The following KLHL32 variants were observed in gnomAD, a reference collection of about 807,000 sequenced individuals.
The protein encoded by KLHL32 is kelch like family member 32, also known as kelch-like protein 32.
In KLHL32, 35 loss-of-function variants were observed where a neutral mutation model predicts 64.8. The observed-to-expected ratio is 0.54, with a 90% CI of 0.41 to 0.72. KLHL32 has a LOEUF of 0.72. Among genes scored for constraint, KLHL32 ranks in the 30% least tolerant of loss-of-function variants. KLHL32 has a pLI of 0.00. For synonymous variants in KLHL32, 259 were observed against 281.0 expected (o/e 0.92, Z 0.78); for missense variants, 589 against 768.5 (o/e 0.77, Z 2.76).
intron 1 of KLHL32, among the ~76,000 whole-genome samples, chr6:96,944,162 T>C (rs548425930): frequency 1.3e-4 from 20 of 152,322 alleles, no homozygotes; most frequent in African/African-American, 4.6e-4. Flanking sequence ...ATTAAGACGG[T>C]AATTACTGAT....
At chr6:97,020,094 C>G (rs900553768) in intron 3 of KLHL32, among the ~76,000 whole-genome samples, 67 of 152,106 alleles carry the variant, frequency 4.4e-4, no homozygotes, top group African/African-American at 1.6e-3. Context: ...AGGTGCCAGC[C>G]ACCGTGCCAG....
intron 7 of KLHL32, among the ~76,000 whole-genome samples, chr6:97,123,369 G>A (rs556940452): frequency 6.6e-6 from 1 of 152,276 alleles, no homozygotes. Context: ...GAGTTGTACA[G>A]GGAAGCTTAA....
intron 5 of KLHL32, among the ~76,000 whole-genome samples, chr6:97,082,404 G>A (rs1207801298): frequency 6.6e-6 from 1 of 152,090 alleles, no homozygotes; most frequent in Non-Finnish European, 1.5e-5. Context: ...ATGAGGTGAG[G>A]AAATCAAGAC....
intron 3 of KLHL32, among the ~76,000 whole-genome samples, chr6:96,991,506 T>TC (rs1777875354): frequency 6.6e-6 from 1 of 151,942 alleles, no homozygotes; most frequent in African/African-American, 2.4e-5. Context: ...GGGGATTTCC[T>TC]CCCCAAAGAA....
intron 5 of KLHL32, among the ~76,000 whole-genome samples, chr6:97,066,453 G>A (rs1223253885): frequency 1.3e-5 from 2 of 152,190 alleles, no homozygotes; most frequent in African/African-American, 4.8e-5. Context: ...TTTAACTTCT[G>A]CATTTCATTA....
At chr6:96,936,264 A>G (rs906534312) in intron 1 of KLHL32, among the ~76,000 whole-genome samples, 1 of 152,234 alleles carries the variant, frequency 6.6e-6, no homozygotes, top group Non-Finnish European at 1.5e-5. Context: ...ATGGCCGTTC[A>G]TTTCTCTAAA....
At chr6:96,967,417 G>A (rs528051573) in intron 2 of KLHL32, among the ~76,000 whole-genome samples, 259 of 151,344 alleles carry the variant, frequency 1.7e-3, no homozygotes, top group African/African-American at 6.0e-3. Context: ...ACATATATAT[G>A]TGTGTGTGTA....
At chr6:96,988,559 A>C (rs1777416856) in intron 3 of KLHL32, among the ~76,000 whole-genome samples, 1 of 152,184 alleles carries the variant, frequency 6.6e-6, no homozygotes, top group Admixed American at 6.5e-5. Context: ...TTCCTCAGGG[A>C]TCTAGAACTA....
intron 7 of KLHL32, among the ~76,000 whole-genome samples, chr6:97,115,896 G>A (rs1284990289): frequency 6.6e-6 from 1 of 152,144 alleles, no homozygotes; most frequent in African/African-American, 2.4e-5. Flanking sequence ...CACCTGCAAA[G>A]GCTTCTCAGC....
the KLHL32 span, among the ~76,000 whole-genome samples, chr6:96,915,922 T>C: frequency 6.6e-6 from 1 of 151,894 alleles, no homozygotes; most frequent in Non-Finnish European, 1.5e-5. Context: ...GGTGCTCCCC[T>C]TTCCTTTCCC....
rs10223470 is a variant in KLHL32 at position 97,028,285 on chromosome 6, G to T, written c.205-13207G>T. Among the ~76,000 whole-genome samples, 933 of 152,214 alleles carry T rather than the reference G, an allele frequency of 6.1e-3. 14 individuals carry two copies. The highest frequency in any genetic ancestry group is 0.021 in the African/African-American group (882 of 41,538). On this transcript the variant is annotated intron_variant, in intron 3 of 10. Coordinates refer to ENST00000369261, the MANE Select transcript of KLHL32 (RefSeq NM_052904.4). ...TTCCAGGGACCACACCTTAAGTAGG[G>T]AAGGGCCAGTGATCTCTAAAGTGTT...
rs558961573 is a variant in KLHL32 at position 97,040,012 on chromosome 6, A to G, written c.205-1480A>G. 1.2e-4 allele frequency among the ~76,000 whole-genome samples: 18 copies of G among 149,820 alleles called. No individual in the cohort carries two copies. The South Asian group carries it at 3.8e-3, about 31-fold the overall frequency. On this transcript the variant is annotated intron_variant, in intron 3 of 10. Transcript: ENST00000369261. Reference sequence around the variant, plus strand: ...TACCCCTGAAATATGTACATTCCTTAGGCATTGATAAAATTTAAATAAATA... The same window carrying G: ...TACCCCTGAAATATGTACATTCCTTGGGCATTGATAAAATTTAAATAAATA...
intron 5 of KLHL32, among the ~76,000 whole-genome samples, chr6:97,070,911 T>C (rs1473962481): frequency 1.3e-5 from 2 of 152,242 alleles, no homozygotes; most frequent in East Asian, 3.9e-4. Flanking sequence ...AGATATTTAT[T>C]CTCCCACCCA....
chr6:96,986,593 G>A (rs555793364), intron 3 of KLHL32, among the ~76,000 whole-genome samples: 1 of 152,172 alleles, frequency 6.6e-6, no homozygotes, highest in Non-Finnish European at 1.5e-5. Context: ...CCCCCAGCCT[G>A]GCTGCTGCCT....
intron 3 of KLHL32, among the ~76,000 whole-genome samples, chr6:96,987,639 T>G (rs1454661000): frequency 6.6e-6 from 1 of 152,140 alleles, no homozygotes; most frequent in Non-Finnish European, 1.5e-5. Flanking sequence ...GAGCCTGCAT[T>G]GCCAAAACAA....
intron 3 of KLHL32, among the ~76,000 whole-genome samples, chr6:97,020,232 C>T (rs912672990): frequency 4.6e-5 from 7 of 150,634 alleles, no homozygotes; most frequent in African/African-American, 1.7e-4. Context: ...TGAGCCACTG[C>T]ACCCAGCCTA....
intron 3 of KLHL32, among the ~76,000 whole-genome samples, chr6:96,994,164 C>T (rs4839888): frequency 0.25 from 37,256 of 152,008 alleles, 5,890 homozygotes; most frequent in East Asian, 0.53. Flanking sequence ...GAATTGTCTC[C>T]CAACAGTCAC....
chr6:97,042,383 G>A (rs1481351542), intron 4 of KLHL32, among the ~76,000 whole-genome samples: 1 of 152,200 alleles, frequency 6.6e-6, no homozygotes, highest in Non-Finnish European at 1.5e-5. Flanking sequence ...GGAGAAGGAT[G>A]CATGTGGTCA....
intron 1 of KLHL32, among the ~76,000 whole-genome samples, chr6:96,942,357 G>A (rs1771400664): frequency 1.3e-5 from 2 of 152,160 alleles, no homozygotes; most frequent in African/African-American, 4.8e-5. Flanking sequence ...TCCAAAATCT[G>A]TGCATCAAGC....
Sources: allele counts gnomAD v4.1 joint callset (sites outside exome capture counted in the v4.1 genomes callset), GRCh38; gene constraint gnomAD v4.1.1; transcripts MANE v1.5; gene names NCBI Gene and HGNC (gene_info 2026-07-23, HGNC 2026-07-21).